Variants in USP26 observed in about 807,000 individuals in gnomAD.
The protein encoded by USP26 is ubiquitin carboxyl-terminal hydrolase 26.
For synonymous variants in USP26, 236 were observed against 240.6 expected (o/e 0.98, Z 0.18); for missense variants, 649 against 642.3 (o/e 1.01, Z -0.11).
At chrX:133,032,093 G>A (rs2067379062) in intron 5 of USP26, among the ~76,000 whole-genome samples, 1 of 111,326 alleles carries the variant, frequency 9.0e-6, no homozygotes, top group African/African-American at 3.3e-5. Context: ...AGGTTGCAGT[G>A]CGCCGAGTTC....
At chrX:133,051,096 C>T (rs1262542526) in intron 5 of USP26, among the ~76,000 whole-genome samples, 1 of 111,161 alleles carries the variant, frequency 9.0e-6, no homozygotes, top group African/African-American at 3.3e-5. Context: ...CTGACCCAAA[C>T]CCCCATGCAC....
intron 5 of USP26, among the ~76,000 whole-genome samples, chrX:133,053,066 C>T (rs1259077094): frequency 1.8e-5 from 2 of 111,899 alleles, no homozygotes; most frequent in African/African-American, 6.5e-5. Context: ...AAAGCCACTT[C>T]GAATTGTTTT....
intron 5 of USP26, among the ~76,000 whole-genome samples, chrX:133,057,861 TA>T (rs2067480757): frequency 1.7e-4 from 4 of 23,591 alleles, no homozygotes; most frequent in African/African-American, 5.1e-4. Context: ...TATATATATA[TA>T]TATATTTTTT....
At chrX:133,037,578 C>T (rs1043647566) in intron 5 of USP26, among the ~76,000 whole-genome samples, 3 of 111,893 alleles carry the variant, frequency 2.7e-5, no homozygotes, top group African/African-American at 9.8e-5. Context: ...GTTACTGTAG[C>T]CTTGTAGTAT....
At position 133,024,015 on chromosome X, in the gene USP26, C is replaced by T; in HGVS notation, c.*1464G>A. The stretch of plus-strand genomic sequence containing the variant: ...GGCACAAAGTACAACAGATTCACTG[C>T]CTCAAAGGCAGGAAAAGGTTATGAT... On this transcript the variant is annotated 3_prime_UTR_variant, in exon 6 of 6. Transcript: ENST00000511190. Among the ~76,000 whole-genome samples, 1 of 111,993 alleles carries T rather than the reference C, an allele frequency of 8.9e-6. No homozygotes were observed. The highest frequency in any genetic ancestry group is 4.6e-3 in the Middle Eastern group (1 of 216).
At chrX:133,081,745 C>T (rs974453585) in intron 5 of USP26, among the ~76,000 whole-genome samples, 1 of 112,092 alleles carries the variant, frequency 8.9e-6, no homozygotes, top group African/African-American at 3.2e-5. Context: ...ACTGAGATTG[C>T]CTTCAAGGGT....
Position 133,026,416 on chromosome X carries a change from A to G in USP26, c.1805T>C (p.Ile602Thr), listed in dbSNP as rs1437040898. Residue 602 changes from isoleucine (I) to threonine (T), a missense_variant, in exon 6 of 6, where the codon ATT becomes ACT. By Grantham distance (89) the Ile-to-Thr change is moderately conservative (BLOSUM62 -1). Coordinates refer to ENST00000511190, the MANE Select transcript of USP26 (RefSeq NM_031907.3). ...TTGTTCAGACTCCTTATCTGATCCA[A>G]TGTGTGGAGCCAGGATATCTTTGGA... Reference protein sequence around the residue: ...KESKDILAPHIGSDKESEQKK... With the variant: ...KESKDILAPHTGSDKESEQKK... 1 of 1,207,806 alleles carries G rather than the reference A, an allele frequency of 8.3e-7. No individual in the cohort carries two copies. The highest frequency in any genetic ancestry group is 2.2e-5 in the Admixed American group (1 of 45,339).
At chrX:133,067,006 A>G (rs887566476) in intron 5 of USP26, among the ~76,000 whole-genome samples, 2 of 112,257 alleles carry the variant, frequency 1.8e-5, no homozygotes, top group Admixed American at 9.4e-5. Flanking sequence ...AGAATCTACA[A>G]GGAACTTAAA....
At chrX:133,044,541 C>T (rs1039569205) in intron 5 of USP26, among the ~76,000 whole-genome samples, 5 of 113,253 alleles carry the variant, frequency 4.4e-5, no homozygotes, top group Admixed American at 1.8e-4. Context: ...GCGGAGGGTG[C>T]GCCAGGTCCC....
rs774688699 is a variant in USP26, at chrX:133,046,917, T to C, written c.-76-18621A>G. Among the ~76,000 whole-genome samples the C allele has an allele frequency of 1.2e-4, 14 of 112,067 alleles. No homozygotes were observed. In the Admixed American group the frequency reaches 1.3e-3, roughly 11 times the overall value. On this transcript the variant is annotated intron_variant, in intron 5 of 5. Coordinates refer to ENST00000511190, the MANE Select transcript of USP26 (RefSeq NM_031907.3). ...TTCCCTGCTATTTTAGTGATTTTTA[T>C]GTGATGCTAATGGAGGCCATCCTCA...
rs2067351946 is a variant in USP26, at chrX:133,026,776, G to A, written c.1445C>T (p.Thr482Ile). 2 of 1,211,111 alleles carry A rather than the reference G, an allele frequency of 1.7e-6. No individual in the cohort carries two copies. Among genetic ancestry groups the A allele is most frequent in the African/African-American group, 1.7e-5 (1 of 57,669 alleles). Residue 482 changes from threonine to isoleucine, a missense_variant, in exon 6 of 6, where the codon ACT becomes ATT. Physicochemically the swap from Thr to Ile is moderately conservative, Grantham distance 89 (BLOSUM62 -1). Coordinates refer to ENST00000511190, the MANE Select transcript of USP26 (RefSeq NM_031907.3). ...TTCTGCTCCAAAAAAAAGATCAAAA[G>A]TAGACTGAATAGATGAAGGATGTGC... ...IKAHPSSIQS[T>I]FDLFFGAEEL...
chrX:133,080,982 C>T (rs997674005), intron 5 of USP26, among the ~76,000 whole-genome samples: 1 of 110,692 alleles, frequency 9.0e-6, no homozygotes, highest in African/African-American at 3.3e-5. Context: ...ACGGTGATAC[C>T]CTTACAAATG....
intron 5 of USP26, among the ~76,000 whole-genome samples, chrX:133,046,194 G>C (rs1483197245): frequency 9.0e-6 from 1 of 111,665 alleles, no homozygotes; most frequent in Non-Finnish European, 1.9e-5. Context: ...ACACAAGAGG[G>C]AGCTATAGCA....
intron 5 of USP26, 68 bp from the exon 6 acceptor site, chrX:133,028,364 G>T: frequency 1.4e-6 from 1 of 705,555 alleles, no homozygotes; most frequent in Non-Finnish European, 2.1e-6. Context: ...TTCTAGTATT[G>T]GTTTTATACT....
In USP26 at chrX:133,097,093, G is replaced by A. The variant is rs1404076445; in HGVS notation, c.-456C>T. The A allele has an allele frequency of 1.8e-5, 2 of 112,456 alleles. No individual in the cohort carries two copies. The highest frequency in any genetic ancestry group is 9.4e-5 in the Admixed American group (1 of 10,674). The allele number at this position is 112,456 out of a possible 1,213,427, so 9.3% of individuals were successfully genotyped here. A position where few individuals can be genotyped will look rare whatever the true frequency, so the allele number is the denominator to read the frequency against. ...ACGCTCCACCACGTGCCCACTTAACGATCGAAAACAAAATGGGCCCCGCCA... is the reference window on the plus strand; with the variant it reads ...ACGCTCCACCACGTGCCCACTTAACAATCGAAAACAAAATGGGCCCCGCCA... On this transcript the variant is annotated 5_prime_UTR_variant, in exon 1 of 6. Transcript: ENST00000511190.
chrX:133,035,099 G>C (rs781088036), intron 5 of USP26, among the ~76,000 whole-genome samples: 5 of 111,555 alleles, frequency 4.5e-5, no homozygotes, highest in Non-Finnish European at 7.5e-5. Flanking sequence ...TTACTCTGGA[G>C]TTAGAGGGGC....
chrX:133,085,547 C>T (rs35790690), intron 4 of USP26, among the ~76,000 whole-genome samples: 56 of 112,093 alleles, frequency 5.0e-4, no homozygotes, highest in Middle Eastern at 9.3e-3. Flanking sequence ...GGTCTTTTCA[C>T]CACTCCTATA....
At chrX:133,085,256 T>C (rs2067584968) in intron 4 of USP26, among the ~76,000 whole-genome samples, 1 of 112,101 alleles carries the variant, frequency 8.9e-6, no homozygotes, top group South Asian at 3.7e-4. Context: ...TCTTATGCTT[T>C]TGCATCCTCA....
chrX:133,025,787 C>T lies in USP26; in HGVS notation c.2434G>A (p.Glu812Lys), dbSNP rs1290373218. The T allele has an allele frequency of 4.1e-6, 5 of 1,210,601 alleles. No individual in the cohort carries two copies. The highest frequency in any genetic ancestry group is 1.7e-5 in the African/African-American group (1 of 57,680). Residue 812 changes from glutamate to lysine, a missense_variant, in exon 6 of 6, where the codon GAA becomes AAA. Coordinates refer to ENST00000511190, the MANE Select transcript of USP26 (RefSeq NM_031907.3). ...ILDKIKSKAK[E>K]TKRNDDKGDH... ...CCCTTATCATCATTTCTTTTTGTTT[C>T]CTTGGCTTTAGATTTTATCTTATCT... is the stretch of plus-strand genomic sequence containing the variant.
Sources: gnomAD v4.1 joint callset for allele counts (sites outside exome capture counted in the v4.1 genomes callset) on GRCh38, gnomAD v4.1.1 for gene constraint, MANE v1.5 for transcripts, NCBI Gene and HGNC (gene_info 2026-07-23, HGNC 2026-07-21) for gene names.